CCDC183: variants seen among roughly 807,000 people sequenced by gnomAD.
CCDC183 encodes coiled-coil domain containing 183, also known as coiled-coil domain-containing protein 183.
CCDC183 carries 63 observed loss-of-function variants against 65.2 expected under a neutral mutation model. The ratio of observed to expected loss-of-function variants is 0.97; its 90% CI spans 0.79 to 1.19. The LOEUF is 1.19. Among genes scored for constraint, CCDC183 ranks in the 50% most tolerant of loss-of-function variants. The pLI is 0.00. For missense variants in CCDC183, 769 were observed against 689.3 expected (o/e 1.12, Z -1.30); for synonymous variants, 323 against 276.5 (o/e 1.17, Z -1.67).
At chr9:136,805,620 C>A in intron 9 of CCDC183, 163 bp downstream of exon 9, 1 of 604,262 alleles carries the variant, frequency 1.7e-6, no homozygotes, top group Non-Finnish European at 2.9e-6. Flanking sequence ...CTCCCTCGGC[C>A]GCCCCAAATC....
In CCDC183 at chr9:136,803,180, C is replaced by T. The variant is rs1486599046; in HGVS notation, c.666+394C>T. Among the ~76,000 whole-genome samples the T allele has an allele frequency of 9.7e-5, 4 of 41,118 alleles. 1 individual carries two copies. The highest frequency in any genetic ancestry group is 2.7e-4 in the African/African-American group (2 of 7,364). 27.0% of individuals were successfully genotyped at this position (41,118 alleles called of 152,430 possible). On this transcript the variant is annotated intron_variant, in intron 6 of 13. Transcript: ENST00000338005. ...CCCAGGGCCAGCCCTCTTGGATCTT[C>T]GGATGGGGTCAAGGTGAGCTCAGGG...
At chr9:136,800,933 G>A (rs567134236) in intron 5 of CCDC183, among the ~76,000 whole-genome samples, 1 of 152,372 alleles carries the variant, frequency 6.6e-6, no homozygotes, top group Admixed American at 6.5e-5. Flanking sequence ...CCGATTGTGA[G>A]GGAAGACCCC....
intron 13 of CCDC183, 102 bp downstream of exon 13, chr9:136,807,168 C>A: frequency 9.5e-7 from 1 of 1,047,966 alleles, no homozygotes; most frequent in Non-Finnish European, 1.4e-6. Context: ...GGAGGGACAG[C>A]GGGGCTACAG....
chr9:136,799,265 C>T, intron 2 of CCDC183, 42 bp downstream of exon 2: 1 of 1,563,346 alleles, frequency 6.4e-7, no homozygotes. Flanking sequence ...GCGAGCAGGG[C>T]AGGAGCTGAG....
intron 10 of CCDC183, 32 bp from the exon 11 acceptor site, chr9:136,806,472 C>T (rs1847852280): frequency 2.5e-6 from 4 of 1,612,642 alleles, no homozygotes; most frequent in Admixed American, 1.7e-5. Flanking sequence ...GGCCTGTGCC[C>T]CTCACTGCTG....
chr9:136,802,544 G>A, intron 5 of CCDC183, 120 bp from the exon 6 acceptor site: 1 of 1,397,884 alleles, frequency 7.2e-7, no homozygotes, highest in Non-Finnish European at 9.6e-7. Flanking sequence ...AGTGGGGGAG[G>A]TGGCTGGGGC....
rs760365822 is a variant in CCDC183 at position 136,800,116 on chromosome 9, G to C, written c.385G>C (p.Asp129His). Reference protein sequence around the residue: ...QKLESMQLELDSLRSQPDASK... With the variant: ...QKLESMQLELHSLRSQPDASK... ...GCTGGAGAGCATGCAGCTGGAGCTG[G>C]ACAGCCTGCGGAGCCAGCCCGACGC... Residue 129 changes from aspartate to histidine, a missense_variant, in exon 4 of 14, where the codon GAC becomes CAC. Physicochemically the swap from Asp to His is moderately conservative, Grantham distance 81 (BLOSUM62 -1). Transcript: ENST00000338005. The C allele has an allele frequency of 7.8e-6, 12 of 1,534,818 alleles. No individual in the cohort carries two copies. Among genetic ancestry groups the C allele is most frequent in the Non-Finnish European group, 1.1e-5 (12 of 1,141,790 alleles).
intron 9 of CCDC183, among the ~76,000 whole-genome samples, chr9:136,805,795 T>A (rs1045145665): frequency 1.1e-4 from 16 of 152,178 alleles, no homozygotes; most frequent in African/African-American, 3.6e-4. Context: ...ATCTACCCTC[T>A]CTGCCTGCCA....
At chr9:136,807,472 C>G in intron 13 of CCDC183, 100 bp from the exon 14 acceptor site, 1 of 1,399,156 alleles carries the variant, frequency 7.1e-7, no homozygotes, top group Non-Finnish European at 9.5e-7. Context: ...TGGGGCAAGG[C>G]ACCTGGCCCG....
chr9:136,803,775 G>A (rs1198116697), intron 6 of CCDC183, among the ~76,000 whole-genome samples: 1 of 152,112 alleles, frequency 6.6e-6, no homozygotes, highest in East Asian at 1.9e-4. Flanking sequence ...CCTGGGCTGG[G>A]AGGGGTGTGA....
In CCDC183 at chr9:136,804,113, G is replaced by A. The variant is rs543849706; in HGVS notation, c.667-389G>A. ...AGGGTGAGAGCAGTGTCTGGGGTGC[G>A]TGAGCAGGGGTTAGCAGATGACGGT... On this transcript the variant is annotated intron_variant, in intron 6 of 13. Transcript: ENST00000338005. The surrounding 1 kb of genome is among the most constrained non-coding windows in gnomAD (Gnocchi z 4.1). The A allele has an allele frequency of 2.5e-4, 55 of 220,948 alleles. No homozygotes were observed. The highest frequency in any genetic ancestry group is 3.6e-4 in the Non-Finnish European group (39 of 108,304). 13.7% of individuals were successfully genotyped at this position (220,948 alleles called of 1,614,324 possible).
intron 13 of CCDC183, 179 bp from the exon 14 acceptor site, chr9:136,807,393 C>G (rs1217669695): frequency 1.7e-5 from 14 of 823,986 alleles, no homozygotes; most frequent in Non-Finnish European, 2.6e-5. Flanking sequence ...GCGGGAAAGG[C>G]TAGGCAGGGC....
rs375083486 is a variant in CCDC183 at position 136,804,864 on chromosome 9, G to A, written c.847+48G>A. ...GCCCCCAGCCAGGGTCCCAAGGAGA[G>A]GCTGGCACTGATTCAGGCCAACGGA... On this transcript the variant is annotated intron_variant, in intron 8 of 13. Coordinates refer to ENST00000338005, the MANE Select transcript of CCDC183 (RefSeq NM_001039374.5). The surrounding 1 kb of genome is among the most constrained non-coding windows in gnomAD (Gnocchi z 4.1). The A allele has an allele frequency of 6.3e-5, 96 of 1,531,288 alleles. No individual in the cohort carries two copies. Among genetic ancestry groups the A allele is most frequent in the Non-Finnish European group, 8.0e-5 (89 of 1,106,826 alleles). 94.9% of individuals were successfully genotyped at this position (1,531,288 alleles called of 1,614,324 possible). A position where few individuals can be genotyped will look rare whatever the true frequency, so the allele number is the denominator to read the frequency against.
chr9:136,800,136 C>G lies in CCDC183; in HGVS notation c.405C>G (p.Pro135=), dbSNP rs758273747. 5.2e-6 allele frequency: 8 copies of G among 1,539,164 alleles called. No homozygotes were observed. The Admixed American group carries it at 5.9e-5, about 11-fold the overall frequency. Residue 135 remains proline (P), a synonymous_variant, in exon 4 of 14, where the codon CCC becomes CCG. Transcript: ENST00000338005. The part of the protein sequence containing the change: ...QLELDSLRSQ[P]DASKEELRLL... The stretch of plus-strand genomic sequence containing the variant: ...AGCTGGACAGCCTGCGGAGCCAGCC[C>G]GACGCCAGCAAGGAGGAGCTGCGGC...
At chr9:136,796,632 G>A (rs1847653144) in intron 1 of CCDC183, among the ~76,000 whole-genome samples, 165 bp downstream of exon 1, 1 of 152,246 alleles carries the variant, frequency 6.6e-6, no homozygotes, top group Non-Finnish European at 1.5e-5. Flanking sequence ...TTTCTGCTTT[G>A]AGATGCTATT....
chr9:136,805,687 C>G (rs911918830), intron 9 of CCDC183: 1 of 562,360 alleles, frequency 1.8e-6, no homozygotes, highest in Non-Finnish European at 3.2e-6. Flanking sequence ...CCTTGAGCTC[C>G]TAACCACTGC....
At position 136,800,000 on chromosome 9, in the gene CCDC183, A is replaced by C. The variant is rs1270994816; in HGVS notation, c.271-2A>C. 1 of 1,585,486 alleles carries C rather than the reference A, an allele frequency of 6.3e-7. No homozygotes were observed. On this transcript the variant is annotated splice_acceptor_variant, in intron 3 of 13. Transcript: ENST00000338005. LOFTEE classifies it high-confidence loss of function. ...GAGTGGGCGGTGCCCTTCCCGACCC[A>C]GGTGGTGCGGGAGAAGCTGCGCAAG...
In CCDC183 at chr9:136,806,499, T is replaced by C; in HGVS notation, c.1110-5T>C. On this transcript the variant is annotated splice_polypyrimidine_tract_variant and splice_region_variant and intron_variant, in intron 10 of 13. Transcript: ENST00000338005. Reference sequence around the variant, plus strand: ...TCACTGCTGTGTCCCTATTGCCTTCTGCAGCTTCAAGTCCGTTGAGAAGAA... The same window carrying C: ...TCACTGCTGTGTCCCTATTGCCTTCCGCAGCTTCAAGTCCGTTGAGAAGAA... 6.2e-7 allele frequency: 1 copy of C among 1,613,342 alleles called. No individual in the cohort carries two copies. The highest frequency in any genetic ancestry group is 8.5e-7 in the Non-Finnish European group (1 of 1,180,032).
In CCDC183 at chr9:136,806,220, A is replaced by G; in HGVS notation, c.1091A>G (p.Gln364Arg). The change falls in exon 10 of 14, where the codon CAG (glutamine) becomes CGG (arginine). Residue 364 changes from glutamine (Q) to arginine (R), a missense_variant. Transcript: ENST00000338005. ...GAGGAGGCCGTGCTCAAGTTCCGCC[A>G]GAAGCCTAGCTCCATCAGGTGCCCC... ...ELEEAVLKFR[Q>R]KPSSISFKSV... 6.3e-7 allele frequency: 1 copy of G among 1,591,824 alleles called. No homozygotes were observed. The highest frequency in any genetic ancestry group is 1.7e-5 in the Admixed American group (1 of 57,374).
Sources: allele counts gnomAD v4.1 joint callset (sites outside exome capture counted in the v4.1 genomes callset), GRCh38; gene constraint gnomAD v4.1.1; non-coding constraint Gnocchi (gnomAD v3.1); transcripts MANE v1.5; gene names NCBI Gene and HGNC (gene_info 2026-07-23, HGNC 2026-07-21).